The following EPM2A variants were observed in gnomAD, a reference collection of about 807,000 sequenced individuals.
EPM2A encodes the protein laforin.
A neutral mutation model predicts 26.5 loss-of-function variants in EPM2A; 21 were observed. The ratio of observed to expected loss-of-function variants is 0.79; its 90% CI spans 0.56 to 1.14. The LOEUF is 1.14. Among genes scored for constraint, EPM2A ranks in the 50% most tolerant of loss-of-function variants. The pLI is 0.00. For synonymous variants in EPM2A, 217 were observed against 177.6 expected, an observed-to-expected ratio of 1.22 and a Z score of -1.76; for missense variants, 458 against 440.8, an observed-to-expected ratio of 1.04 and a Z score of -0.35.
At position 145,578,415 on chromosome 6, in the gene EPM2A, A is replaced by G. The variant is rs187143418; in HGVS notation, c.340+56830T>C. ...AGATTAGAGACTATTATGAACAACTATATGCCAATACATTGAGAAACCTAG... is the reference window on the plus strand; with the variant it reads ...AGATTAGAGACTATTATGAACAACTGTATGCCAATACATTGAGAAACCTAG... On this transcript the variant is annotated intron_variant, in intron 2 of 3. Coordinates refer to the EPM2A transcript ENST00000450221. Among the ~76,000 whole-genome samples, 23 of 152,318 alleles carry G rather than the reference A, an allele frequency of 1.5e-4. No individual in the cohort carries two copies. The East Asian group carries it at 4.2e-3, about 28-fold the overall frequency.
intron 3 of EPM2A, chr6:145,632,429 T>G (rs954791694): frequency 6.6e-6 from 1 of 152,170 alleles, no homozygotes; most frequent in East Asian, 1.9e-4. Context: ...CAAAGAAAAT[T>G]TTAACGAGCA....
intron 1 of EPM2A, among the ~76,000 whole-genome samples, chr6:145,723,422 A>G (rs1424500579): frequency 6.6e-6 from 1 of 152,168 alleles, no homozygotes; most frequent in Non-Finnish European, 1.5e-5. Context: ...CTATATACAT[A>G]TGCATACACA....
chr6:145,499,812 A>C (rs1779864544), downstream of EPM2A, among the ~76,000 whole-genome samples: 1 of 152,246 alleles, frequency 6.6e-6, no homozygotes, highest in African/African-American at 2.4e-5. Context: ...GGAGTCATTG[A>C]TACAAGTGTA....
intron 2 of EPM2A, among the ~76,000 whole-genome samples, chr6:145,643,285 C>T (rs1562434343): frequency 6.6e-6 from 1 of 152,158 alleles, no homozygotes; most frequent in South Asian, 2.1e-4. Flanking sequence ...ACTCAGAGTT[C>T]ATCAACATTT....
At chr6:145,429,510 T>A (rs1006504512) in intron 4 of EPM2A, among the ~76,000 whole-genome samples, 4 of 151,828 alleles carry the variant, frequency 2.6e-5, no homozygotes, top group Admixed American at 2.6e-4. Context: ...TTCATCATGA[T>A]AAACCTTAGA....
At chr6:145,556,153 A>G (rs545464740) in intron 2 of EPM2A, among the ~76,000 whole-genome samples, 88 of 152,320 alleles carry the variant, frequency 5.8e-4, no homozygotes, top group Admixed American at 2.6e-3. Flanking sequence ...CTGTATTTTT[A>G]AGAAATAATA....
intron 4 of EPM2A, among the ~76,000 whole-genome samples, chr6:145,404,074 T>C (rs1273610174): frequency 6.6e-6 from 1 of 152,142 alleles, no homozygotes; most frequent in Non-Finnish European, 1.5e-5. Context: ...TTGTGAGAAG[T>C]GCCTATTCAA....
chr6:145,724,618 C>A (rs982189226), intron 1 of EPM2A, among the ~76,000 whole-genome samples: 15 of 151,860 alleles, frequency 9.9e-5, no homozygotes, highest in Non-Finnish European at 1.5e-5. Flanking sequence ...TAGTATAAAC[C>A]TACAGTAATG....
intron 4 of EPM2A, among the ~76,000 whole-genome samples, chr6:145,387,326 C>T (rs985869260): frequency 1.3e-5 from 2 of 152,178 alleles, no homozygotes; most frequent in African/African-American, 4.8e-5. Context: ...CTAGGAATCA[C>T]ATCAAGCTTC....
intron 4 of EPM2A, among the ~76,000 whole-genome samples, chr6:145,401,286 C>A (rs931865026): frequency 3.9e-5 from 6 of 152,066 alleles, no homozygotes; most frequent in Non-Finnish European, 7.4e-5. Context: ...TTGTACCCAT[C>A]TTTTTATATA....
At chr6:145,549,942 G>T (rs557268413) in intron 2 of EPM2A, among the ~76,000 whole-genome samples, 1 of 152,216 alleles carries the variant, frequency 6.6e-6, no homozygotes, top group South Asian at 2.1e-4. Flanking sequence ...CTGAGCAAGA[G>T]CAGATGGGGT....
intron 2 of EPM2A, among the ~76,000 whole-genome samples, chr6:145,512,137 C>T (rs1382708330): frequency 2.0e-5 from 3 of 152,034 alleles, no homozygotes; most frequent in African/African-American, 7.2e-5. Flanking sequence ...GGGAAAACAT[C>T]CCAACGCTCA....
At chr6:145,545,896 G>C (rs1037018208) in intron 2 of EPM2A, among the ~76,000 whole-genome samples, 1 of 152,016 alleles carries the variant, frequency 6.6e-6, no homozygotes, top group Non-Finnish European at 1.5e-5. Flanking sequence ...AGATCTGAAG[G>C]GTGTCACTTT....
At chr6:145,556,653 T>C (rs1235257604) in intron 2 of EPM2A, among the ~76,000 whole-genome samples, 2 of 152,126 alleles carry the variant, frequency 1.3e-5, no homozygotes, top group Non-Finnish European at 2.9e-5. Context: ...CTGGAAAACT[T>C]TGAGAAGCAG....
intron 2 of EPM2A, among the ~76,000 whole-genome samples, chr6:145,661,821 G>A (rs9497384): frequency 3.3e-5 from 5 of 151,938 alleles, no homozygotes; most frequent in African/African-American, 4.8e-5. Context: ...CCATTACTCC[G>A]GCTGAGCATC....
intron 4 of EPM2A, among the ~76,000 whole-genome samples, chr6:145,477,533 G>A (rs1582786072): frequency 1.3e-5 from 2 of 151,726 alleles, no homozygotes; most frequent in Admixed American, 6.6e-5. Context: ...AGTCCTCAAC[G>A]AAATACTAGC....
intron 4 of EPM2A, among the ~76,000 whole-genome samples, chr6:145,472,627 A>T (rs544872123): frequency 2.0e-5 from 3 of 152,100 alleles, no homozygotes; most frequent in African/African-American, 7.2e-5. Flanking sequence ...GAAGTCTGGC[A>T]GTACTCCTCA....
chr6:145,505,210 C>A (rs1779954051), intron 2 of EPM2A, among the ~76,000 whole-genome samples: 1 of 147,214 alleles, frequency 6.8e-6, no homozygotes, highest in African/African-American at 2.5e-5. Flanking sequence ...CTAACCTGCA[C>A]AATGTGCACA....
intron 2 of EPM2A, among the ~76,000 whole-genome samples, chr6:145,531,814 C>A (rs1780359900): frequency 6.6e-6 from 1 of 152,182 alleles, no homozygotes; most frequent in African/African-American, 2.4e-5. Flanking sequence ...ACACAGACAC[C>A]ATTCACTCCA....
Sources: gnomAD v4.1 joint callset for allele counts (sites outside exome capture counted in the v4.1 genomes callset) on GRCh38, gnomAD v4.1.1 for gene constraint, MANE v1.5 for transcripts, NCBI Gene and HGNC (gene_info 2026-07-23, HGNC 2026-07-21) for gene names.